HNRNPM: variants seen among roughly 807,000 people sequenced by gnomAD.
The protein encoded by HNRNPM is CEA receptor.
A neutral mutation model predicts 73.1 loss-of-function variants in HNRNPM; 11 were observed. The ratio of observed to expected loss-of-function variants is 0.15; its 90% CI spans 0.09 to 0.25. The LOEUF is 0.25. Ranked by LOEUF, HNRNPM falls within the 10% of genes least tolerant of loss-of-function variation. HNRNPM has a pLI of 1.00. For missense variants in HNRNPM, 789 were observed against 1,067.9 expected (o/e 0.74, Z 3.64); for synonymous variants, 407 against 355.2 (o/e 1.15, Z -1.64).
chr19:8,460,486 G>A lies in HNRNPM; in HGVS notation c.284-2043G>A, dbSNP rs1357170539. 3.9e-5 allele frequency among the ~76,000 whole-genome samples: 6 copies of A among 152,276 alleles called. No individual in the cohort carries two copies. The South Asian group carries it at 1.2e-3, about 32-fold the overall frequency. ...CACTTGAGGTAAAAAGAGGGAGAACGTTTTAAGCAAATTTTTAATACAAAG... is the reference window on the plus strand; with the variant it reads ...CACTTGAGGTAAAAAGAGGGAGAACATTTTAAGCAAATTTTTAATACAAAG... On this transcript the variant is annotated intron_variant, in intron 2 of 15. Transcript: ENST00000325495.
intron 15 of HNRNPM, 151 bp downstream of exon 15, chr19:8,487,226 G>A (rs1971377279): frequency 1.4e-6 from 1 of 731,320 alleles, no homozygotes; most frequent in Non-Finnish European, 2.5e-6. Context: ...CAGGCAGGTT[G>A]TTGAGTGTCC....
At position 8,462,324 on chromosome 19, in the gene HNRNPM, C is replaced by A; in HGVS notation, c.284-205C>A. 1.9e-6 allele frequency: 1 copy of A among 526,996 alleles called. No individual in the cohort carries two copies. Among genetic ancestry groups the A allele is most frequent in the Non-Finnish European group, 3.5e-6 (1 of 289,804 alleles). 32.6% of individuals were successfully genotyped at this position (526,996 alleles called of 1,614,324 possible). On this transcript the variant is annotated intron_variant, in intron 2 of 15. Transcript: ENST00000325495. The surrounding 1 kb of genome is among the most constrained non-coding windows in gnomAD (Gnocchi z 4.5). ...AGCTTGTTTGTGGTGGGAGGAAAAT[C>A]AAGGACATATTGTTAACGTGTTTTC...
intron 1 of HNRNPM, among the ~76,000 whole-genome samples, chr19:8,452,111 G>C (rs1223350001): frequency 6.6e-6 from 1 of 152,190 alleles, no homozygotes; most frequent in Non-Finnish European, 1.5e-5. Context: ...CAAATGCTCA[G>C]CTTCTGTGGT....
At chr19:8,480,479 A>G (rs909437141) in intron 12 of HNRNPM, among the ~76,000 whole-genome samples, 2 of 151,916 alleles carry the variant, frequency 1.3e-5, no homozygotes, top group African/African-American at 4.8e-5. Context: ...AGCCTGGCCA[A>G]CATGGTGAAA....
intron 2 of HNRNPM, among the ~76,000 whole-genome samples, chr19:8,459,801 T>G (rs74958537): frequency 0.022 from 3,337 of 152,288 alleles, 135 homozygotes; most frequent in African/African-American, 0.076. Context: ...CCTGATGTGT[T>G]TTAAGAATAA....
At chr19:8,472,364 C>T (rs1444785247) in intron 10 of HNRNPM, among the ~76,000 whole-genome samples, 3 of 151,998 alleles carry the variant, frequency 2.0e-5, no homozygotes, top group Non-Finnish European at 4.4e-5. Flanking sequence ...CCCTCTATCC[C>T]ACCATTGTCA....
intron 1 of HNRNPM, among the ~76,000 whole-genome samples, chr19:8,446,428 G>C (rs994793391): frequency 5.3e-5 from 8 of 152,028 alleles, no homozygotes; most frequent in African/African-American, 1.9e-4. Context: ...TTTTTTCTTT[G>C]AGACAGGGTC....
chr19:8,445,764 C>T (rs1397641051), intron 1 of HNRNPM, among the ~76,000 whole-genome samples: 2 of 152,266 alleles, frequency 1.3e-5, no homozygotes, highest in East Asian at 3.8e-4. Flanking sequence ...TTTCCCGCTC[C>T]TCCTCCCCGG....
intron 8 of HNRNPM, among the ~76,000 whole-genome samples, chr19:8,468,206 A>C (rs1321238138): frequency 1.3e-5 from 2 of 152,176 alleles, no homozygotes; most frequent in Non-Finnish European, 2.9e-5. Context: ...AGTTTTTCAA[A>C]GTATTACAGT....
chr19:8,445,355 A>C, intron 1 of HNRNPM: 2 of 372,774 alleles, frequency 5.4e-6, no homozygotes, highest in Non-Finnish European at 9.5e-6. Context: ...GCCGGGGCCA[A>C]CCCCGTAGTC....
intron 11 of HNRNPM, among the ~76,000 whole-genome samples, chr19:8,473,955 A>G (rs554709878): frequency 3.6e-4 from 55 of 151,564 alleles, no homozygotes; most frequent in Non-Finnish European, 5.3e-4. Context: ...TTGCTTGTCT[A>G]TTCATTGAGG....
At chr19:8,484,041 G>A (rs1364151581) in intron 13 of HNRNPM, among the ~76,000 whole-genome samples, 2 of 152,150 alleles carry the variant, frequency 1.3e-5, no homozygotes, top group Non-Finnish European at 2.9e-5. Flanking sequence ...GATGACAGAT[G>A]TGAGCCACCA....
Position 8,485,862 on chromosome 19 carries a change from C to T in HNRNPM, c.1434C>T (p.Arg478=), listed in dbSNP as rs779404364. Residue 478 remains arginine, a synonymous_variant, in exon 14 of 16, where the codon CGC becomes CGT. Transcript: ENST00000325495. ...AGCGCATGGGCCAGACCATGGAGCG[C>T]ATTGGCTCTGGCGTGGAGCGCATGG... ...SIERMGQTME[R]IGSGVERMGA... 1 of 1,604,076 alleles carries T rather than the reference C, an allele frequency of 6.2e-7. No individual in the cohort carries two copies. The highest frequency in any genetic ancestry group is 8.5e-7 in the Non-Finnish European group (1 of 1,179,664).
chr19:8,454,055 AG>A (rs1968817102), intron 1 of HNRNPM, among the ~76,000 whole-genome samples: 1 of 152,088 alleles, frequency 6.6e-6, no homozygotes, highest in South Asian at 2.1e-4. Context: ...TTGTGTAGGG[AG>A]TGGTTTCTTT....
chr19:8,485,593 CCT>C lies in HNRNPM; in HGVS notation c.1175-9_1175-8del. On this transcript the variant is annotated splice_region_variant and splice_polypyrimidine_tract_variant and intron_variant, in intron 13 of 15. Transcript: ENST00000325495. ...TTGACACCCACCTGTGTTTTGTGTC[CCT>C]GTTTCAGGTGGAGGTGGAGGAAGCG... 6.3e-7 allele frequency: 1 copy of C among 1,594,082 alleles called. No individual in the cohort carries two copies.
At position 8,462,113 on chromosome 19, in the gene HNRNPM, C is replaced by G; in HGVS notation, c.284-416C>G. ...CGTCCTTGTATTTATAGCATGTGAGCTCAGCCCGATGGCATCGCAATTTGT... is the reference window on the plus strand; with the variant it reads ...CGTCCTTGTATTTATAGCATGTGAGGTCAGCCCGATGGCATCGCAATTTGT... On this transcript the variant is annotated intron_variant, in intron 2 of 15. Coordinates refer to ENST00000325495, the MANE Select transcript of HNRNPM (RefSeq NM_005968.5). The surrounding 1 kb of genome is among the most constrained non-coding windows in gnomAD (Gnocchi z 4.5). 5.3e-6 allele frequency: 1 copy of G among 190,288 alleles called. No homozygotes were observed. The highest frequency in any genetic ancestry group is 5.4e-5 in the Admixed American group (1 of 18,614). 11.8% of individuals were successfully genotyped at this position (190,288 alleles called of 1,614,324 possible).
intron 12 of HNRNPM, among the ~76,000 whole-genome samples, chr19:8,479,141 A>C (rs1480191832): frequency 8.1e-6 from 1 of 123,492 alleles, no homozygotes; most frequent in African/African-American, 3.1e-5. Context: ...GCTGGAGTGC[A>C]ATGGTGCGAT....
At chr19:8,446,997 A>G (rs1968235898) in intron 1 of HNRNPM, among the ~76,000 whole-genome samples, 1 of 152,204 alleles carries the variant, frequency 6.6e-6, no homozygotes, top group Non-Finnish European at 1.5e-5. Context: ...GTATGCAGGA[A>G]GGAGTGCTGG....
chr19:8,457,901 C>G (rs1327684119), intron 2 of HNRNPM, among the ~76,000 whole-genome samples: 1 of 152,176 alleles, frequency 6.6e-6, no homozygotes, highest in East Asian at 1.9e-4. Flanking sequence ...GTATTAGTCT[C>G]AATTCCAAAA....
Sources: allele counts gnomAD v4.1 joint callset (sites outside exome capture counted in the v4.1 genomes callset), GRCh38; gene constraint gnomAD v4.1.1; non-coding constraint Gnocchi (gnomAD v3.1); transcripts MANE v1.5; gene names NCBI Gene and HGNC (gene_info 2026-07-23, HGNC 2026-07-21).